The following RGL1 variants were observed in gnomAD, a reference collection of about 807,000 sequenced individuals.
The protein encoded by RGL1 is ral guanine nucleotide dissociation stimulator-like 1.
Under a neutral mutation model 95.2 loss-of-function variants are expected in RGL1, and 24 were observed. The observed-to-expected ratio is 0.25, with a 90% CI of 0.18 to 0.35. The LOEUF (loss-of-function observed/expected upper bound fraction) is 0.35. RGL1 is among the 10% of genes least tolerant of loss of function. The pLI, the probability that RGL1 is intolerant of heterozygous loss-of-function variation, is 1.00. For missense variants in RGL1, 715 were observed against 936.3 expected (o/e 0.76, Z 3.08); for synonymous variants, 329 against 344.9 (o/e 0.95, Z 0.51).
Position 183,811,339 on chromosome 1 carries a change from C to G in RGL1, c.138+4854C>G, listed in dbSNP as rs191119942. ...AGTTAAAAAGCATTGGCTAGCATTA[C>G]AATTATGTGTGGTTGGAAAGTGCAG... On this transcript the variant is annotated intron_variant, in intron 2 of 17. Transcript: ENST00000360851. 2.3e-3 allele frequency among the ~76,000 whole-genome samples: 356 copies of G among 152,266 alleles called. 1 individual carries two copies. The highest frequency in any genetic ancestry group is 3.8e-3 in the Non-Finnish European group (260 of 68,012).
intron 2 of RGL1, among the ~76,000 whole-genome samples, chr1:183,771,888 A>T (rs939240274): frequency 6.6e-6 from 1 of 152,220 alleles, no homozygotes; most frequent in Non-Finnish European, 1.5e-5. Context: ...AGCAGAGCAG[A>T]TAGGCGGAGG....
In RGL1 at chr1:183,847,690, A is replaced by G. The variant is rs561203759; in HGVS notation, c.263A>G (p.Asn88Ser). 4 of 1,614,142 alleles carry G rather than the reference A, an allele frequency of 2.5e-6. No individual in the cohort carries two copies. Among genetic ancestry groups the G allele is most frequent in the East Asian group, 4.5e-5 (2 of 44,884 alleles). ...AACCTGCTGACAGCTTTTGGGGACA[A>G]TGACTTTACCTATATCAGCATCTTT... is the stretch of plus-strand genomic sequence containing the variant. ...VENLLTAFGD[N>S]DFTYISIFLS... The change falls in exon 3 of 18, where the codon AAT becomes AGT. Residue 88 changes from asparagine (N) to serine (S), a missense_variant. Coordinates refer to ENST00000360851, the MANE Select transcript of RGL1 (RefSeq NM_001297671.3).
At chr1:183,679,974 G>A (rs902362085) in intron 1 of RGL1, among the ~76,000 whole-genome samples, 4 of 152,162 alleles carry the variant, frequency 2.6e-5, no homozygotes, top group Admixed American at 6.5e-5. Flanking sequence ...CAGTGATGAT[G>A]AGCTTTTTTT....
chr1:183,680,655 T>A (rs1285477186), intron 1 of RGL1, among the ~76,000 whole-genome samples: 1 of 152,254 alleles, frequency 6.6e-6, no homozygotes, highest in Non-Finnish European at 1.5e-5. Flanking sequence ...GTCTTGGCTA[T>A]ACAGGCTCTT....
chr1:183,890,170 TG>T (rs897664945), intron 8 of RGL1, among the ~76,000 whole-genome samples: 1 of 152,106 alleles, frequency 6.6e-6, no homozygotes, highest in Non-Finnish European at 1.5e-5. Flanking sequence ...AGTGTTAAAA[TG>T]TAGCCTTACT....
intron 1 of RGL1, among the ~76,000 whole-genome samples, chr1:183,677,421 C>G (rs1409186453): frequency 6.6e-6 from 1 of 151,982 alleles, no homozygotes; most frequent in Non-Finnish European, 1.5e-5. Context: ...GAGGCTGTCC[C>G]CCTTGGGCCC....
At chr1:183,795,672 C>A (rs1217573757) in intron 2 of RGL1, among the ~76,000 whole-genome samples, 1 of 152,146 alleles carries the variant, frequency 6.6e-6, no homozygotes, top group Non-Finnish European at 1.5e-5. Flanking sequence ...TTATACTGAG[C>A]AATGAGGAGC....
chr1:183,864,648 G>A (rs1028317665), intron 3 of RGL1, among the ~76,000 whole-genome samples: 1 of 152,202 alleles, frequency 6.6e-6, no homozygotes, highest in African/African-American at 2.4e-5. Context: ...GCAAAGGGTA[G>A]CCCTGGAAGC....
chr1:183,779,017 C>T (rs1336404557), intron 2 of RGL1, among the ~76,000 whole-genome samples: 15 of 152,092 alleles, frequency 9.9e-5, no homozygotes, highest in Admixed American at 9.8e-4. Flanking sequence ...TTCATGGACA[C>T]CTATTAGGTG....
At chr1:183,778,656 G>A (rs1006147027) in intron 2 of RGL1, among the ~76,000 whole-genome samples, 11 of 152,120 alleles carry the variant, frequency 7.2e-5, no homozygotes, top group African/African-American at 2.6e-4. Flanking sequence ...TCTAGGATGG[G>A]AAAAAGGGTC....
chr1:183,725,545 A>T (rs1656262756), intron 1 of RGL1, among the ~76,000 whole-genome samples: 1 of 152,120 alleles, frequency 6.6e-6, no homozygotes, highest in Non-Finnish European at 1.5e-5. Flanking sequence ...TAGTTATATT[A>T]ATAGCCAAAA....
chr1:183,900,281 C>A, intron 11 of RGL1, 45 bp downstream of exon 11: 1 of 1,450,700 alleles, frequency 6.9e-7, no homozygotes, highest in Non-Finnish European at 9.7e-7. Flanking sequence ...AGCCTTCCCA[C>A]TGGATACCCT....
chr1:183,898,750 G>A (rs1667846635), intron 10 of RGL1, among the ~76,000 whole-genome samples: 1 of 152,206 alleles, frequency 6.6e-6, no homozygotes, highest in Non-Finnish European at 1.5e-5. Flanking sequence ...TACAGGATGA[G>A]ACCTTGTACA....
At chr1:183,648,291 A>C (rs1650461151) in intron 1 of RGL1, 9 of 1,614,212 alleles carry the variant, frequency 5.6e-6, no homozygotes, top group Non-Finnish European at 7.6e-6. Context: ...TGAGGCAGGA[A>C]AGTCCATCTC....
rs529337142 is a variant in RGL1 at position 183,903,553 on chromosome 1, C to T, written c.1350+953C>T. Among the ~76,000 whole-genome samples, 190 of 152,028 alleles carry T rather than the reference C, an allele frequency of 1.2e-3. 2 individuals carry two copies. The Middle Eastern group carries it at 0.024, about 19-fold the overall frequency. ...CATTCCACAAATATTGACTGTCTAC[C>T]TAACATGGGGGGGGTTTGGGAATTA... On this transcript the variant is annotated intron_variant, in intron 12 of 17. Transcript: ENST00000360851.
chr1:183,744,116 G>A (rs1261008383), intron 2 of RGL1, among the ~76,000 whole-genome samples: 3 of 152,138 alleles, frequency 2.0e-5, no homozygotes, highest in Non-Finnish European at 4.4e-5. Flanking sequence ...GTTATTCTGT[G>A]AAGAGAAAGA....
chr1:183,817,055 T>C (rs1445046674), intron 2 of RGL1, among the ~76,000 whole-genome samples: 1 of 152,228 alleles, frequency 6.6e-6, no homozygotes, highest in Admixed American at 6.5e-5. Context: ...TCTGGTACTT[T>C]TAATTTGTTG....
chr1:183,799,944 A>G (rs181041131), intron 2 of RGL1, among the ~76,000 whole-genome samples: 1 of 152,320 alleles, frequency 6.6e-6, no homozygotes, highest in East Asian at 1.9e-4. Context: ...AATGCCTCCT[A>G]TGTTCCAAGT....
At chr1:183,637,387 T>C (rs1649618770) in intron 1 of RGL1, among the ~76,000 whole-genome samples, 1 of 152,218 alleles carries the variant, frequency 6.6e-6, no homozygotes, top group Non-Finnish European at 1.5e-5. Context: ...AGGGACTCGA[T>C]ACATGCTTGA....
Sources: gnomAD v4.1 joint callset for allele counts (sites outside exome capture counted in the v4.1 genomes callset) on GRCh38, gnomAD v4.1.1 for gene constraint, MANE v1.5 for transcripts, NCBI Gene and HGNC (gene_info 2026-07-23, HGNC 2026-07-21) for gene names.